Variants in DGAT2L6 observed in about 807,000 individuals in gnomAD.
DGAT2L6 encodes diacylglycerol O-acyltransferase 2 like 6.
A neutral mutation model predicts 25.5 loss-of-function variants in DGAT2L6; 22 were observed. That is an observed-to-expected ratio of 0.86 (90% CI 0.62 to 1.23). The LOEUF is 1.23. Ranked by LOEUF, DGAT2L6 falls within the 50% of genes most tolerant of loss-of-function variation. The pLI, the probability that DGAT2L6 is intolerant of heterozygous loss-of-function variation, is 0.00. For missense variants in DGAT2L6, 287 were observed against 253.2 expected (o/e 1.13, Z -0.91); for synonymous variants, 100 against 94.7 (o/e 1.06, Z -0.32).
At chrX:70,185,670 C>T (rs1602688599) in intron 1 of DGAT2L6, among the ~76,000 whole-genome samples, 1 of 111,201 alleles carries the variant, frequency 9.0e-6, no homozygotes, top group Admixed American at 9.6e-5. Flanking sequence ...TCACCCTCCC[C>T]TTTCCAGTTC....
chrX:70,204,896 G>A, intron 6 of DGAT2L6, 56 bp from the exon 7 acceptor site: 1 of 1,112,550 alleles, frequency 9.0e-7, no homozygotes, highest in Non-Finnish European at 1.2e-6. Flanking sequence ...AGTGAGGGAT[G>A]AGTAGTTTGA....
intron 1 of DGAT2L6, among the ~76,000 whole-genome samples, chrX:70,185,335 C>G (rs1334653082): frequency 8.9e-6 from 1 of 112,150 alleles, no homozygotes; most frequent in Non-Finnish European, 1.9e-5. Flanking sequence ...AAACCCAGAG[C>G]TTCTCCAAGA....
chrX:70,201,298 C>T (rs750837830), intron 4 of DGAT2L6, among the ~76,000 whole-genome samples: 2 of 112,120 alleles, frequency 1.8e-5, no homozygotes, highest in Non-Finnish European at 3.8e-5. Flanking sequence ...GAGCGCAGGG[C>T]AAAGATGGGA....
chrX:70,190,155 G>A (rs1354271788), intron 1 of DGAT2L6, among the ~76,000 whole-genome samples: 1 of 112,232 alleles, frequency 8.9e-6, no homozygotes, highest in Non-Finnish European at 1.9e-5. Context: ...ATTGATTTTT[G>A]ACAAAGATGA....
At chrX:70,195,849 C>T (rs370398871) in intron 1 of DGAT2L6, among the ~76,000 whole-genome samples, 5 of 111,765 alleles carry the variant, frequency 4.5e-5, no homozygotes, top group East Asian at 5.6e-4. Context: ...CACAAAATTT[C>T]AGTTACAAAA....
chrX:70,196,507 G>A (rs867020421), intron 1 of DGAT2L6, among the ~76,000 whole-genome samples: 178 of 73,798 alleles, frequency 2.4e-3, no homozygotes, highest in Admixed American at 3.4e-3. Context: ...AAAAAAGAAA[G>A]AAAAAAGAAA....
chrX:70,181,670 G>A (rs1028737589), intron 1 of DGAT2L6, among the ~76,000 whole-genome samples: 6 of 111,921 alleles, frequency 5.4e-5, no homozygotes, highest in Non-Finnish European at 1.1e-4. Context: ...ATCATTGTCC[G>A]CATTTTATGT....
chrX:70,185,560 C>T (rs146346927), intron 1 of DGAT2L6, among the ~76,000 whole-genome samples: 78 of 112,037 alleles, frequency 7.0e-4, no homozygotes, highest in African/African-American at 2.4e-3. Flanking sequence ...AGATAATATA[C>T]ATTAAGTGCT....
chrX:70,186,498 A>C (rs1312687514), intron 1 of DGAT2L6, among the ~76,000 whole-genome samples: 1 of 111,832 alleles, frequency 8.9e-6, no homozygotes, highest in East Asian at 2.8e-4. Flanking sequence ...AAAGGCACAG[A>C]AATGTGAATT....
intron 1 of DGAT2L6, among the ~76,000 whole-genome samples, chrX:70,183,843 C>T (rs1292173815): frequency 9.5e-6 from 1 of 105,740 alleles, no homozygotes; most frequent in Non-Finnish European, 1.9e-5. Context: ...CCAGCTTGGG[C>T]AACACAGTGA....
intron 1 of DGAT2L6, among the ~76,000 whole-genome samples, chrX:70,179,866 C>A (rs374012172): frequency 9.0e-6 from 1 of 110,616 alleles, no homozygotes; most frequent in South Asian, 3.9e-4. Context: ...GCCACCGCGC[C>A]GGGCCGAGGC....
chrX:70,185,860 T>TG (rs1337380730), intron 1 of DGAT2L6, among the ~76,000 whole-genome samples: 10 of 105,214 alleles, frequency 9.5e-5, no homozygotes, highest in African/African-American at 2.9e-4. Context: ...TTTTGTTTTT[T>TG]TTTTGTTTTG....
chrX:70,204,953 T>C lies in DGAT2L6; in HGVS notation c.861T>C (p.Val287=). 1 of 1,177,851 alleles carries C rather than the reference T, an allele frequency of 8.5e-7. No individual in the cohort carries two copies. Among genetic ancestry groups the C allele is most frequent in the Non-Finnish European group, 1.1e-6 (1 of 882,604 alleles). The change falls in exon 7 of 7, where the codon GTT becomes GTC. Residue 287 remains valine, a splice_region_variant and synonymous_variant. Transcript: ENST00000333026. ...TTTGTCTCTTTTCTTTTTTCATAGT[T>C]GGGGAACCCCTTCCAATTCCCAGGA... ...LPFNRPITTV[V]GEPLPIPRIK...
Position 70,199,821 on chromosome X carries a change from G to A in DGAT2L6, c.206G>A (p.Arg69His), listed in dbSNP as rs763293794. ...CCTTCTGTACCCACAGGTGGCAGGC[G>A]TTCAGCTTGGGTACGAAACTGGACC... The part of the protein sequence containing the change: ...DWNTHSQGGR[R>H]SAWVRNWTLW... The change falls in exon 3 of 7, where the codon CGT becomes CAT. Residue 69 changes from arginine to histidine, a missense_variant. Transcript: ENST00000333026. The A allele has an allele frequency of 1.2e-5, 15 of 1,208,855 alleles. No homozygotes were observed. Among genetic ancestry groups the A allele is most frequent in the East Asian group, 3.0e-5 (1 of 33,709 alleles).
chrX:70,197,013 A>T (rs899630044), intron 1 of DGAT2L6, among the ~76,000 whole-genome samples: 1 of 109,686 alleles, frequency 9.1e-6, no homozygotes, highest in Non-Finnish European at 1.9e-5. Flanking sequence ...CCCAGTGCAC[A>T]TATATTAGAA....
chrX:70,196,474 C>A (rs367553204), intron 1 of DGAT2L6, among the ~76,000 whole-genome samples: 5 of 56,366 alleles, frequency 8.9e-5, no homozygotes, highest in East Asian at 4.7e-4. Context: ...GTGACAGAAC[C>A]AGATCCTGTC....
chrX:70,196,498 AAAAAGAAAG>A, intron 1 of DGAT2L6, among the ~76,000 whole-genome samples: 1 of 106,136 alleles, frequency 9.4e-6, no homozygotes, highest in South Asian at 4.1e-4. Context: ...AAAAAAAAAA[AAAAAGAAAG>A]AAAAAAGAAA....
At chrX:70,185,417 A>G (rs2085356509) in intron 1 of DGAT2L6, among the ~76,000 whole-genome samples, 1 of 112,620 alleles carries the variant, frequency 8.9e-6, no homozygotes, top group Non-Finnish European at 1.9e-5. Context: ...TTATTGGCAC[A>G]TAATGAATGC....
At chrX:70,194,199 G>A (rs112166117) in intron 1 of DGAT2L6, among the ~76,000 whole-genome samples, 14,717 of 110,600 alleles carry the variant, frequency 0.13, 899 homozygotes, top group Middle Eastern at 0.2. Context: ...TAGGAGGTGA[G>A]AGATCTGTAT....
Sources: gnomAD v4.1 joint callset for allele counts (sites outside exome capture counted in the v4.1 genomes callset) on GRCh38, gnomAD v4.1.1 for gene constraint, MANE v1.5 for transcripts, NCBI Gene and HGNC (gene_info 2026-07-23, HGNC 2026-07-21) for gene names.